Variants in PPFIA2 observed in about 807,000 individuals in gnomAD.
The protein encoded by PPFIA2 is liprin-alpha-2.
In PPFIA2, 46 loss-of-function variants were observed where a neutral mutation model predicts 175.5. The ratio of observed to expected loss-of-function variants is 0.26; its 90% CI spans 0.21 to 0.34. PPFIA2 has a LOEUF of 0.34. PPFIA2 is among the 10% of genes least tolerant of loss of function. The pLI is 1.00. For synonymous variants in PPFIA2, 568 were observed against 511.4 expected (o/e 1.11, Z -1.49); for missense variants, 1,179 against 1,506.1 (o/e 0.78, Z 3.60).
chr12:81,295,012 C>A lies in PPFIA2; in HGVS notation c.2748G>T (p.Trp916Cys). The change falls in exon 24 of 33, where the codon TGG (tryptophan) becomes TGT (cysteine). Residue 916 changes from tryptophan (W) to cysteine (C), a missense_variant. By Grantham distance (215) the Trp-to-Cys change is radical (BLOSUM62 -2). Coordinates refer to ENST00000549396, the MANE Select transcript of PPFIA2 (RefSeq NM_003625.5). ...WLELWLGMPA[W>C]YVAACRANVK... ...CGTTGGCTCGGCAGGCTGCCACGTA[C>A]CACGCAGGCATTCCCAACCAAAGCT... is the stretch of plus-strand genomic sequence containing the variant. 1 of 1,613,488 alleles carries A rather than the reference C, an allele frequency of 6.2e-7. No individual in the cohort carries two copies. Among genetic ancestry groups the A allele is most frequent in the Non-Finnish European group, 8.5e-7 (1 of 1,179,658 alleles).
At chr12:81,621,878 C>T (rs112127096) in intron 4 of PPFIA2, among the ~76,000 whole-genome samples, 14 of 152,110 alleles carry the variant, frequency 9.2e-5, no homozygotes, top group Non-Finnish European at 4.4e-5. Context: ...CCTAGGATTT[C>T]AGTGGAGAGT....
intron 2 of PPFIA2, among the ~76,000 whole-genome samples, chr12:81,756,625 A>G (rs1358259761): frequency 6.6e-6 from 1 of 152,118 alleles, no homozygotes; most frequent in Non-Finnish European, 1.5e-5. Flanking sequence ...TACATGTTAA[A>G]ACTTTAGTTC....
intron 4 of PPFIA2, among the ~76,000 whole-genome samples, chr12:81,659,422 C>G (rs374313494): frequency 2.0e-5 from 3 of 152,178 alleles, no homozygotes; most frequent in African/African-American, 4.8e-5. Flanking sequence ...TCACCTGGCT[C>G]GAAGGGTTCT....
intron 17 of PPFIA2, among the ~76,000 whole-genome samples, chr12:81,348,708 C>G (rs1193561502): frequency 6.6e-6 from 1 of 152,092 alleles, no homozygotes; most frequent in Non-Finnish European, 1.5e-5. Flanking sequence ...TGCACTCCAG[C>G]CTGGGTGGCA....
chr12:81,612,589 C>T (rs758259337), intron 4 of PPFIA2, among the ~76,000 whole-genome samples: 2 of 152,132 alleles, frequency 1.3e-5, no homozygotes, highest in African/African-American at 4.8e-5. Flanking sequence ...GGATGTCACA[C>T]AAATGAAGAC....
chr12:81,522,391 T>TA (rs2153242683), intron 4 of PPFIA2, among the ~76,000 whole-genome samples: 1 of 152,228 alleles, frequency 6.6e-6, no homozygotes, highest in African/African-American at 2.4e-5. Flanking sequence ...AAAAATATGA[T>TA]ATATTAAAAG....
chr12:81,547,362 C>CT (rs933148235), intron 4 of PPFIA2, among the ~76,000 whole-genome samples: 4 of 151,836 alleles, frequency 2.6e-5, no homozygotes, highest in Admixed American at 1.3e-4. Context: ...TATTGACTAA[C>CT]TTTTTTTTCT....
At chr12:81,637,495 A>C (rs1396117675) in intron 4 of PPFIA2, among the ~76,000 whole-genome samples, 1 of 151,300 alleles carries the variant, frequency 6.6e-6, no homozygotes, top group African/African-American at 2.4e-5. Context: ...TCCATACCTA[A>C]CTCAAGGTAT....
At chr12:81,725,288 T>A (rs2153633790) in intron 3 of PPFIA2, among the ~76,000 whole-genome samples, 1 of 151,038 alleles carries the variant, frequency 6.6e-6, no homozygotes, top group African/African-American at 2.4e-5. Context: ...ATACATACAT[T>A]TTACCATAAT....
intron 22 of PPFIA2, among the ~76,000 whole-genome samples, chr12:81,321,308 C>A (rs1055021389): frequency 6.6e-6 from 1 of 152,002 alleles, no homozygotes; most frequent in African/African-American, 2.4e-5. Context: ...GAGATGCTGA[C>A]ATGTGAAACT....
chr12:81,290,464 T>C lies in PPFIA2; in HGVS notation c.2925+4371A>G, dbSNP rs2137548470. Among the ~76,000 whole-genome samples, 4 of 151,978 alleles carry C rather than the reference T, an allele frequency of 2.6e-5. No individual in the cohort carries two copies. In the South Asian group the frequency reaches 8.3e-4, roughly 31 times the overall value. On this transcript the variant is annotated intron_variant, in intron 24 of 32. Coordinates refer to ENST00000549396, the MANE Select transcript of PPFIA2 (RefSeq NM_003625.5). The stretch of plus-strand genomic sequence containing the variant: ...AGAGGAAACATTTAGTAGATACTTT[T>C]AAAGCCTAGAGACACAACTTAACTT...
intron 4 of PPFIA2, among the ~76,000 whole-genome samples, chr12:81,645,955 C>A (rs1428171469): frequency 6.6e-6 from 1 of 152,082 alleles, no homozygotes. Flanking sequence ...GTCTAGCATC[C>A]AACATTTAGT....
intron 4 of PPFIA2, among the ~76,000 whole-genome samples, chr12:81,635,731 A>AG (rs1238600831): frequency 2.6e-5 from 4 of 152,182 alleles, no homozygotes; most frequent in Admixed American, 6.5e-5. Flanking sequence ...GCTCCCTCAC[A>AG]GAAAAAAAAG....
At chr12:81,290,657 T>G (rs2044684228) in intron 24 of PPFIA2, among the ~76,000 whole-genome samples, 1 of 151,804 alleles carries the variant, frequency 6.6e-6, no homozygotes, top group Non-Finnish European at 1.5e-5. Flanking sequence ...AATATAAAAA[T>G]TTGCACATTT....
At position 81,642,788 on chromosome 12, in the gene PPFIA2, TAC is replaced by T. The variant is rs1219645255; in HGVS notation, c.303+34001_303+34002del. Among the ~76,000 whole-genome samples the T allele has an allele frequency of 8.8e-3, 668 of 75,836 alleles. 284 individuals carry two copies. The highest frequency in any genetic ancestry group is 0.012 in the South Asian group (22 of 1,810). 49.8% of individuals were successfully genotyped at this position (75,836 alleles called of 152,430 possible). ...TATATGTATGTATGTATTATATACA[TAC>T]ATGTATATGTATGTATGTATTACAT... On this transcript the variant is annotated intron_variant, in intron 4 of 32. Coordinates refer to ENST00000549396, the MANE Select transcript of PPFIA2 (RefSeq NM_003625.5).
At chr12:81,622,390 A>T (rs534704544) in intron 4 of PPFIA2, among the ~76,000 whole-genome samples, 1 of 152,238 alleles carries the variant, frequency 6.6e-6, no homozygotes, top group Admixed American at 6.5e-5. Context: ...CCTAGAGTAA[A>T]ATTTTGACAT....
At chr12:81,351,198 T>G (rs1459436959) in intron 17 of PPFIA2, among the ~76,000 whole-genome samples, 2 of 152,188 alleles carry the variant, frequency 1.3e-5, no homozygotes, top group Non-Finnish European at 2.9e-5. Context: ...ATAGCAACAG[T>G]ACATTTTTTT....
At chr12:81,268,954 A>AT (rs1050980201) in intron 28 of PPFIA2, among the ~76,000 whole-genome samples, 6 of 152,204 alleles carry the variant, frequency 3.9e-5, no homozygotes. Flanking sequence ...ATTTCAATGC[A>AT]TTTTTCCCAA....
chr12:81,598,953 TAC>T (rs2059532034), intron 4 of PPFIA2, among the ~76,000 whole-genome samples: 1 of 152,088 alleles, frequency 6.6e-6, no homozygotes, highest in Admixed American at 6.6e-5. Context: ...TATACATATA[TAC>T]ACACAAGAAT....
Sources: allele counts gnomAD v4.1 joint callset (sites outside exome capture counted in the v4.1 genomes callset), GRCh38; gene constraint gnomAD v4.1.1; transcripts MANE v1.5; gene names NCBI Gene and HGNC (gene_info 2026-07-23, HGNC 2026-07-21).